Variants in PRELID2 observed in about 807,000 individuals in gnomAD.
PRELID2 encodes the protein PRELI domain containing 2, also known as PRELI domain-containing protein 2.
Under a neutral mutation model 28.4 loss-of-function variants are expected in PRELID2, and 25 were observed. That is an observed-to-expected ratio of 0.88 (90% CI 0.64 to 1.23). The LOEUF (loss-of-function observed/expected upper bound fraction) is 1.23, where lower values mean the gene tolerates loss of function less well. Ranked by LOEUF, PRELID2 falls within the 50% of genes most tolerant of loss-of-function variation. The pLI is 0.00. For missense variants in PRELID2, 201 were observed against 214.4 expected (o/e 0.94, Z 0.39); for synonymous variants, 76 against 71.6 (o/e 1.06, Z -0.31).
At chr5:145,477,382 C>T (rs960425479) in intron 1 of PRELID2, among the ~76,000 whole-genome samples, 2 of 152,144 alleles carry the variant, frequency 1.3e-5, no homozygotes, top group Non-Finnish European at 1.5e-5. Context: ...CTATCCTATC[C>T]TATGAATAAT....
the PRELID2 span, among the ~76,000 whole-genome samples, chr5:145,416,679 G>T: frequency 2.6e-5 from 4 of 152,050 alleles, no homozygotes; most frequent in African/African-American, 9.7e-5. Context: ...AGCATTGAAT[G>T]CCCACAACAA....
At chr5:145,783,167 G>A (rs1050679746) in intron 5 of PRELID2, among the ~76,000 whole-genome samples, 2 of 152,150 alleles carry the variant, frequency 1.3e-5, no homozygotes, top group Admixed American at 6.5e-5. Context: ...TAGTTTCATA[G>A]AAGGCAACGT....
chr5:145,708,868 G>A (rs189486898), intron 1 of PRELID2, among the ~76,000 whole-genome samples: 13 of 152,304 alleles, frequency 8.5e-5, no homozygotes, highest in Non-Finnish European at 1.8e-4. Flanking sequence ...ATTCTCAGTC[G>A]GGTGGGACAA....
the PRELID2 span, among the ~76,000 whole-genome samples, chr5:145,413,618 A>G: frequency 3.1e-5 from 2 of 63,810 alleles, no homozygotes; most frequent in African/African-American, 1.1e-4. Flanking sequence ...AAATACACAC[A>G]CACACACACA....
chr5:145,533,209 C>A (rs1347038055), intron 1 of PRELID2, among the ~76,000 whole-genome samples: 3 of 152,020 alleles, frequency 2.0e-5, no homozygotes, highest in Admixed American at 6.6e-5. Context: ...GGGAATGGGA[C>A]AATGTAAAAG....
intron 5 of PRELID2, among the ~76,000 whole-genome samples, chr5:145,791,123 G>C (rs566746394): frequency 6.6e-6 from 1 of 152,036 alleles, no homozygotes; most frequent in South Asian, 2.1e-4. Context: ...GGCTAGGGAG[G>C]CCTCACAATC....
chr5:145,728,385 C>A, intron 1 of PRELID2: 1 of 466,182 alleles, frequency 2.1e-6, no homozygotes, highest in South Asian at 2.4e-5. Context: ...TTTTTTATGG[C>A]CCTGGGTAGA....
intron 1 of PRELID2, among the ~76,000 whole-genome samples, chr5:145,482,415 G>A (rs558100413): frequency 2.6e-5 from 4 of 152,254 alleles, no homozygotes; most frequent in African/African-American, 7.2e-5. Flanking sequence ...GTAAGATGAG[G>A]ATATAATAAT....
At chr5:145,662,749 C>T (rs138913902) in intron 1 of PRELID2, among the ~76,000 whole-genome samples, 146 of 152,188 alleles carry the variant, frequency 9.6e-4, no homozygotes, top group Admixed American at 6.4e-3. Context: ...ATTCTCTGAG[C>T]CACCTTGGGA....
At chr5:145,368,276 T>C in the PRELID2 span, among the ~76,000 whole-genome samples, 5 of 151,912 alleles carry the variant, frequency 3.3e-5, no homozygotes, top group Admixed American at 6.6e-5. Flanking sequence ...CAACATAGTG[T>C]TACGGCTCTA....
intron 1 of PRELID2, among the ~76,000 whole-genome samples, chr5:145,562,030 A>G (rs1307662701): frequency 6.6e-6 from 1 of 152,108 alleles, no homozygotes. Flanking sequence ...TTGCACATAC[A>G]CTCCCACTGA....
the PRELID2 span, among the ~76,000 whole-genome samples, chr5:145,382,744 G>T: frequency 6.6e-6 from 1 of 151,820 alleles, no homozygotes; most frequent in African/African-American, 2.4e-5. Context: ...TGGTCTAGTG[G>T]CAACACATTC....
chr5:145,423,316 T>C, the PRELID2 span, among the ~76,000 whole-genome samples: 2 of 150,908 alleles, frequency 1.3e-5, no homozygotes, highest in African/African-American at 2.4e-5. Flanking sequence ...TCCTGGATAA[T>C]ATCCTGCAGA....
intron 1 of PRELID2, among the ~76,000 whole-genome samples, chr5:145,741,106 T>C (rs1399208360): frequency 1.7e-5 from 2 of 117,622 alleles, no homozygotes; most frequent in Non-Finnish European, 3.2e-5. Context: ...TATTTTATGC[T>C]TTACATATAA....
intron 1 of PRELID2, among the ~76,000 whole-genome samples, chr5:145,490,819 C>T (rs888808127): frequency 5.9e-5 from 9 of 152,098 alleles, no homozygotes; most frequent in East Asian, 3.9e-4. Flanking sequence ...TTATTTGACA[C>T]GAATTCTCCA....
chr5:145,741,593 A>AAT (rs1299839204), intron 1 of PRELID2, among the ~76,000 whole-genome samples: 1 of 9,768 alleles, frequency 1.0e-4, no homozygotes, highest in African/African-American at 2.9e-4. Context: ...TTTATATATA[A>AAT]AATTTATTTA....
At chr5:145,785,247 G>A (rs895442156) in intron 5 of PRELID2, among the ~76,000 whole-genome samples, 3 of 152,148 alleles carry the variant, frequency 2.0e-5, no homozygotes, top group African/African-American at 7.2e-5. Flanking sequence ...AGAAAAGTGT[G>A]ACTTGTGGGA....
chr5:145,380,382 G>T, the PRELID2 span, among the ~76,000 whole-genome samples: 1 of 152,100 alleles, frequency 6.6e-6, no homozygotes, highest in African/African-American at 2.4e-5. Flanking sequence ...TTAGGAGCAC[G>T]CCAGTTCTTA....
chr5:145,709,631 C>A (rs1251609781), intron 1 of PRELID2, among the ~76,000 whole-genome samples: 2 of 150,996 alleles, frequency 1.3e-5, no homozygotes, highest in Non-Finnish European at 2.9e-5. Flanking sequence ...TTGGGCTAGA[C>A]CATTTTTCAA....
Sources: allele counts gnomAD v4.1 joint callset (sites outside exome capture counted in the v4.1 genomes callset), GRCh38; gene constraint gnomAD v4.1.1; transcripts MANE v1.5; gene names NCBI Gene and HGNC (gene_info 2026-07-23, HGNC 2026-07-21).